The following AJUBA variants were observed in gnomAD, a reference collection of about 807,000 sequenced individuals.
AJUBA encodes LIM domain-containing protein ajuba.
In AJUBA, 20 loss-of-function variants were observed where a neutral mutation model predicts 53.3. The ratio of observed to expected loss-of-function variants is 0.38; its 90% CI spans 0.26 to 0.55. The LOEUF is 0.55. Among genes scored for constraint, AJUBA ranks in the 20% least tolerant of loss-of-function variants. The pLI is 0.80. For missense variants in AJUBA, 580 were observed against 730.5 expected (o/e 0.79, Z 2.38); for synonymous variants, 296 against 306.2 (o/e 0.97, Z 0.35).
intron 6 of AJUBA, 52 bp downstream of exon 6, chr14:22,974,787 C>G: frequency 6.3e-7 from 1 of 1,576,068 alleles, no homozygotes; most frequent in Non-Finnish European, 8.6e-7. Context: ...CCTATCCCCT[C>G]CCCAAAGGCA....
intron 4 of AJUBA, 142 bp from the exon 5 acceptor site, chr14:22,975,246 A>G (rs1238130342): frequency 1.6e-6 from 2 of 1,227,178 alleles, no homozygotes; most frequent in Non-Finnish European, 2.2e-6. Flanking sequence ...TCGGTGAAGA[A>G]GTCGTAAAAT....
At chr14:22,978,728 C>T in intron 1 of AJUBA, 2 of 1,233,970 alleles carry the variant, frequency 1.6e-6, no homozygotes, top group South Asian at 1.6e-5. Flanking sequence ...AGATATGGTC[C>T]CTGGCATTCA....
rs775507306 is a variant in AJUBA, at chr14:22,981,699, C to T, written c.568G>A (p.Gly190Arg). 75 of 1,519,156 alleles carry T rather than the reference C, an allele frequency of 4.9e-5. No homozygotes were observed. The highest frequency in any genetic ancestry group is 6.5e-5 in the Non-Finnish European group (74 of 1,137,394). The allele number at this position is 1,519,156 out of a possible 1,614,324, so 94.1% of individuals were successfully genotyped here. A position where few individuals can be genotyped will look rare whatever the true frequency, so the allele number is the denominator to read the frequency against. Residue 190 changes from glycine to arginine, a missense_variant, in exon 1 of 8, where the codon GGA becomes AGA. Physicochemically the swap from Gly to Arg is moderately radical, Grantham distance 125. This residue lies in a region of AJUBA where 430 missense variants were observed against 471.5 expected (regional missense o/e 0.91). Transcript: ENST00000262713. The stretch of plus-strand genomic sequence containing the variant: ...CCGGGAGAATAGCCTGCCGGTGCTC[C>T]GGCCAGGGGTGGGCCAAACAGGCAC... ...GPCLFGPPLA[G>R]APAGYSPGGV... is the part of the protein sequence containing the mutation.
chr14:22,981,457 G>T lies in AJUBA; in HGVS notation c.810C>A (p.Cys270Ter), dbSNP rs757779082. 1 of 1,609,024 alleles carries T rather than the reference G, an allele frequency of 6.2e-7. No individual in the cohort carries two copies. The highest frequency in any genetic ancestry group is 8.5e-7 in the Non-Finnish European group (1 of 1,178,566). The change falls in exon 1 of 8, where the codon TGC becomes TGA. Residue 270 changes from cysteine to a stop codon, truncating the protein, a stop_gained. Transcript: ENST00000262713. LOFTEE classifies it high-confidence loss of function. The stretch of plus-strand genomic sequence containing the variant: ...CGTCCTGGTACCGGGCGCCCACGGC[G>T]CAGTCCCCGTAGCCGGTCACAGAGT... ...GRHSVTGYGD[C>*]AVGARYQDEL...
chr14:22,982,428 A>G lies in AJUBA; in HGVS notation c.-162T>C. The G allele has an allele frequency of 1.4e-6, 2 of 1,437,596 alleles. No individual in the cohort carries two copies. The highest frequency in any genetic ancestry group is 1.8e-6 in the Non-Finnish European group (2 of 1,104,172). 89.1% of individuals were successfully genotyped at this position (1,437,596 alleles called of 1,614,324 possible). On this transcript the variant is annotated 5_prime_UTR_variant, in exon 1 of 8. Transcript: ENST00000262713. ...GGATGCCCTGCGCCAGGAATCCCAC[A>G]GCATCCCCCAGCGGGAGGGGCTGCG... is the stretch of plus-strand genomic sequence containing the variant.
rs2045094053 is a variant in AJUBA, at chr14:22,981,481, G to A, written c.786C>T (p.His262=). 1 of 1,602,372 alleles carries A rather than the reference G, an allele frequency of 6.2e-7. No individual in the cohort carries two copies. The highest frequency in any genetic ancestry group is 2.2e-5 in the East Asian group (1 of 44,516). The change falls in exon 1 of 8, where the codon CAC becomes CAT. Residue 262 remains histidine (H), a synonymous_variant. Transcript: ENST00000262713. ...LERRGAQPGR[H]SVTGYGDCAV... is the part of the protein sequence containing the mutation. ...CGCAGTCCCCGTAGCCGGTCACAGAGTGTCGTCCGGGTTGCGCCCCCCGTC... is the reference window on the plus strand; with the variant it reads ...CGCAGTCCCCGTAGCCGGTCACAGAATGTCGTCCGGGTTGCGCCCCCCGTC...
chr14:22,978,868 A>T, intron 1 of AJUBA: 1 of 1,272,514 alleles, frequency 7.9e-7, no homozygotes, highest in Non-Finnish European at 1.0e-6. Flanking sequence ...TACTTTCTAG[A>T]GAAAGCAGGC....
At chr14:22,978,887 G>C in intron 1 of AJUBA, 1 of 1,285,108 alleles carries the variant, frequency 7.8e-7, no homozygotes, top group Non-Finnish European at 1.0e-6. Context: ...GCTAGGCCCA[G>C]AAATCGTCTC....
At chr14:22,973,655 C>G in intron 7 of AJUBA, 87 bp from the exon 8 acceptor site, 1 of 1,529,942 alleles carries the variant, frequency 6.5e-7, no homozygotes, top group Non-Finnish European at 8.9e-7. Flanking sequence ...CAACACCTGA[C>G]TCCTAATAAC....
rs1427995794 is a variant in AJUBA at position 22,982,446 on chromosome 14, G to A, written c.-180C>T. 4.2e-6 allele frequency: 6 copies of A among 1,431,326 alleles called. No individual in the cohort carries two copies. The highest frequency in any genetic ancestry group is 3.0e-5 in the Admixed American group (1 of 33,866). 88.7% of individuals were successfully genotyped at this position (1,431,326 alleles called of 1,614,324 possible). A position where few individuals can be genotyped will look rare whatever the true frequency, so the allele number is the denominator to read the frequency against. The stretch of plus-strand genomic sequence containing the variant: ...ATCCCACAGCATCCCCCAGCGGGAG[G>A]GGCTGCGTCCCCCCGCGCATCTGGG... On this transcript the variant is annotated 5_prime_UTR_variant, in exon 1 of 8. Coordinates refer to ENST00000262713, the MANE Select transcript of AJUBA (RefSeq NM_032876.6).
Position 22,978,421 on chromosome 14 carries a change from C to T in AJUBA, c.1031G>A (p.Gly344Asp). The change falls in exon 2 of 8, where the codon GGC becomes GAC. Residue 344 changes from glycine (G) to aspartate (D), a missense_variant. By Grantham distance (94) the Gly-to-Asp change is moderately conservative. Coordinates refer to ENST00000262713, the MANE Select transcript of AJUBA (RefSeq NM_032876.6). ...GCAGGCATTGCTCTGCCCATAGATGCCTTTGTTGCACTTGATACAGGTGCC... is the reference window on the plus strand; with the variant it reads ...GCAGGCATTGCTCTGCCCATAGATGTCTTTGTTGCACTTGATACAGGTGCC... ...YFGTCIKCNK[G>D]IYGQSNACQA... 6.2e-7 allele frequency: 1 copy of T among 1,613,530 alleles called. No individual in the cohort carries two copies. The highest frequency in any genetic ancestry group is 1.1e-5 in the South Asian group (1 of 91,066).
intron 6 of AJUBA, 135 bp downstream of exon 6, chr14:22,974,704 G>T: frequency 2.9e-6 from 3 of 1,048,222 alleles, no homozygotes; most frequent in Non-Finnish European, 4.1e-6. Flanking sequence ...CCAAGAGGCA[G>T]AGTCACACGG....
At position 22,979,708 on chromosome 14, in the gene AJUBA, C is replaced by A. The variant is rs907650422; in HGVS notation, c.1007-1263G>T. Among the ~76,000 whole-genome samples, 8 of 152,208 alleles carry A rather than the reference C, an allele frequency of 5.3e-5. No homozygotes were observed. Among genetic ancestry groups the A allele is most frequent in the African/African-American group, 1.9e-4 (8 of 41,438 alleles). ...GAGCCATTCTTTAGGAAACCTTGGA[C>A]GTTATGGGAAAAGCAAACGAAACTG... On this transcript the variant is annotated intron_variant, in intron 1 of 7. Transcript: ENST00000262713. The surrounding 1 kb of genome is among the most constrained non-coding windows in gnomAD (Gnocchi z 4.0).
chr14:22,982,324 C>T lies in AJUBA; in HGVS notation c.-58G>A, dbSNP rs970831247. The T allele has an allele frequency of 8.8e-6, 14 of 1,591,676 alleles. No individual in the cohort carries two copies. Among genetic ancestry groups the T allele is most frequent in the Non-Finnish European group, 1.0e-5 (12 of 1,172,600 alleles). On this transcript the variant is annotated 5_prime_UTR_variant, in exon 1 of 8. Coordinates refer to ENST00000262713, the MANE Select transcript of AJUBA (RefSeq NM_032876.6). ...CGCCTGGCACCCTGCGGCGTCTCGG[C>T]GGCCGGTTCTCTTTCCCTGCAGCCG...
intron 4 of AJUBA, among the ~76,000 whole-genome samples, chr14:22,975,473 T>A (rs1483368800): frequency 6.6e-6 from 1 of 152,242 alleles, no homozygotes; most frequent in Non-Finnish European, 1.5e-5. Flanking sequence ...TAGGCTACCA[T>A]GATTGAGAAT....
Position 22,982,036 on chromosome 14 carries a change from G to A in AJUBA, c.231C>T (p.Arg77=). 1 of 1,590,676 alleles carries A rather than the reference G, an allele frequency of 6.3e-7. No individual in the cohort carries two copies. Among genetic ancestry groups the A allele is most frequent in the Non-Finnish European group, 8.5e-7 (1 of 1,173,054 alleles). Residue 77 remains arginine, a synonymous_variant, in exon 1 of 8, where the codon CGC becomes CGT. Transcript: ENST00000262713. ...QGSLDAERNQ[R]GSFEAPRYEG... ...CGTAGCGCGGCGCCTCAAAGGAGCCGCGCTGATTTCGCTCAGCGTCCAGGG... is the reference window on the plus strand; with the variant it reads ...CGTAGCGCGGCGCCTCAAAGGAGCCACGCTGATTTCGCTCAGCGTCCAGGG...
intron 6 of AJUBA, chr14:22,974,618 TAGA>T: frequency 1.8e-6 from 1 of 558,850 alleles, no homozygotes; most frequent in Non-Finnish European, 3.2e-6. Context: ...TGGACTGGGA[TAGA>T]AGAGATGGAG....
Position 22,981,678 on chromosome 14 carries a change from G to C in AJUBA, c.589C>G (p.Pro197Ala), listed in dbSNP as rs900922723. Reference protein sequence around the residue: ...PLAGAPAGYSPGGVPSAYPEL... With the variant: ...PLAGAPAGYSAGGVPSAYPEL... ...GGGTAGGCGGACGGGACCCCTCCGG[G>C]AGAATAGCCTGCCGGTGCTCCGGCC... The change falls in exon 1 of 8, where the codon CCC becomes GCC. Residue 197 changes from proline (P) to alanine (A), a missense_variant. Transcript: ENST00000262713. The C allele has an allele frequency of 7.4e-5, 113 of 1,517,182 alleles. No homozygotes were observed. Among genetic ancestry groups the C allele is most frequent in the Non-Finnish European group, 9.9e-5 (112 of 1,135,048 alleles). The allele number at this position is 1,517,182 out of a possible 1,614,324, so 94.0% of individuals were successfully genotyped here. A position where few individuals can be genotyped will look rare whatever the true frequency, so the allele number is the denominator to read the frequency against.
In AJUBA at chr14:22,974,731, C is replaced by A. The variant is rs926701734; in HGVS notation, c.1422+108G>T. On this transcript the variant is annotated intron_variant, in intron 6 of 7. Transcript: ENST00000262713. Reference sequence around the variant, plus strand: ...GTCACACGGGAATCTTCACAGAGTACATTCCTTGGCACTACCACTTCTGGC... The same window carrying A: ...GTCACACGGGAATCTTCACAGAGTAAATTCCTTGGCACTACCACTTCTGGC... 1.1e-5 allele frequency: 14 copies of A among 1,279,894 alleles called. No individual in the cohort carries two copies. In the Admixed American group the frequency reaches 1.9e-4, roughly 17 times the overall value. 79.3% of individuals were successfully genotyped at this position (1,279,894 alleles called of 1,614,324 possible).
Sources: allele counts gnomAD v4.1 joint callset (sites outside exome capture counted in the v4.1 genomes callset), GRCh38; gene constraint gnomAD v4.1.1; regional missense constraint gnomAD v4.1.1; non-coding constraint Gnocchi (gnomAD v3.1); transcripts MANE v1.5; gene names NCBI Gene and HGNC (gene_info 2026-07-23, HGNC 2026-07-21).